Variants in PTPRN2 observed in about 807,000 individuals in gnomAD.
PTPRN2 encodes protein tyrosine phosphatase receptor type N2, also known as receptor-type tyrosine-protein phosphatase N2.
A neutral mutation model predicts 118.8 loss-of-function variants in PTPRN2; 74 were observed. The ratio of observed to expected loss-of-function variants is 0.62; its 90% confidence interval spans 0.52 to 0.76. PTPRN2 has a LOEUF of 0.76. Among genes scored for constraint, PTPRN2 ranks in the 30% least tolerant of loss-of-function variants. The probability of loss-of-function intolerance (pLI) is 0.00; values close to 1 mark genes in which losing one functional copy is unlikely to be tolerated. For synonymous variants in PTPRN2, 641 were observed against 608.0 expected (o/e 1.05, Z -0.80); for missense variants, 1,481 against 1,394.4 (o/e 1.06, Z -0.99).
chr7:158,194,969 C>T (rs1293202636), intron 4 of PTPRN2, among the ~76,000 whole-genome samples: 1 of 152,234 alleles, frequency 6.6e-6, no homozygotes, highest in Non-Finnish European at 1.5e-5. Context: ...ACACTTTCAT[C>T]ATTTTTGTTT....
At chr7:157,993,712 G>A (rs1311792164) in intron 11 of PTPRN2, among the ~76,000 whole-genome samples, 2 of 152,148 alleles carry the variant, frequency 1.3e-5, no homozygotes, top group Admixed American at 6.5e-5. Context: ...AACCCAGCAC[G>A]GGTCCAGGAC....
intron 11 of PTPRN2, among the ~76,000 whole-genome samples, chr7:157,936,613 C>T (rs1336634550): frequency 2.1e-5 from 3 of 143,572 alleles, no homozygotes; most frequent in African/African-American, 7.6e-5. Context: ...CTCCTCCACT[C>T]GGAAGCCAGG....
intron 3 of PTPRN2, among the ~76,000 whole-genome samples, chr7:158,291,428 GT>G (rs1283180825): frequency 6.6e-6 from 1 of 152,092 alleles, no homozygotes; most frequent in Non-Finnish European, 1.5e-5. Flanking sequence ...TTTTGTTTGG[GT>G]TTTTTTAGTC....
At chr7:158,411,540 A>G (rs985469223) in intron 2 of PTPRN2, among the ~76,000 whole-genome samples, 1 of 152,170 alleles carries the variant, frequency 6.6e-6, no homozygotes, top group African/African-American at 2.4e-5. Context: ...TCCCGGGAAC[A>G]GGGGTCCCCT....
intron 1 of PTPRN2, among the ~76,000 whole-genome samples, chr7:158,519,912 C>G (rs568195777): frequency 2.6e-5 from 4 of 152,358 alleles, no homozygotes; most frequent in African/African-American, 4.8e-5. Context: ...CATTTTCCAA[C>G]TTTACTATCA....
chr7:158,319,400 A>ACACACACACACAGCCTCC (rs1802626776), intron 2 of PTPRN2, among the ~76,000 whole-genome samples: 1 of 6,218 alleles, frequency 1.6e-4, no homozygotes, highest in Middle Eastern at 0.1. Flanking sequence ...ACAGCCTCCC[A>ACACACACACACAGCCTCC]CACACACACA....
At chr7:157,553,332 T>A (rs1798724068) in intron 21 of PTPRN2, among the ~76,000 whole-genome samples, 1 of 152,214 alleles carries the variant, frequency 6.6e-6, no homozygotes, top group African/African-American at 2.4e-5. Flanking sequence ...AGACTGTCCC[T>A]CACTGGCAAC....
chr7:157,711,920 A>G (rs151122352), intron 12 of PTPRN2, among the ~76,000 whole-genome samples: 40,240 of 101,214 alleles, frequency 0.4, 8,882 homozygotes, highest in Non-Finnish European at 0.49. Flanking sequence ...CTGGGGGGCC[A>G]TGCAGGCCAC....
At chr7:158,339,829 A>G (rs370494239) in intron 2 of PTPRN2, among the ~76,000 whole-genome samples, 4,520 of 58,186 alleles carry the variant, frequency 0.078, 172 homozygotes, top group South Asian at 0.11. Flanking sequence ...TCACACCCAC[A>G]CTCTCACCAT....
intron 12 of PTPRN2, among the ~76,000 whole-genome samples, chr7:157,805,598 C>T (rs931163575): frequency 1.3e-5 from 2 of 152,128 alleles, no homozygotes; most frequent in African/African-American, 2.4e-5. Context: ...AACGTTGTGT[C>T]GTTATGTCTA....
chr7:158,423,276 G>A (rs1467434153), intron 2 of PTPRN2, among the ~76,000 whole-genome samples: 1 of 152,250 alleles, frequency 6.6e-6, no homozygotes, highest in Non-Finnish European at 1.5e-5. Flanking sequence ...CCAGACCTGA[G>A]CAGCACGGCA....
intron 9 of PTPRN2, among the ~76,000 whole-genome samples, chr7:158,114,702 C>T (rs11761540): frequency 0.28 from 43,061 of 151,996 alleles, 6,947 homozygotes; most frequent in Middle Eastern, 0.44. Flanking sequence ...GAGAAGCCAC[C>T]GGCCACGGCC....
chr7:158,138,054 GAGTGAAA>G (rs1819000040), intron 7 of PTPRN2, among the ~76,000 whole-genome samples: 1 of 152,232 alleles, frequency 6.6e-6, no homozygotes, highest in African/African-American at 2.4e-5. Flanking sequence ...CAGCATGGAG[GAGTGAAA>G]CCTCCTCGCA....
chr7:157,580,902 C>CACACCCCAGCACCTG (rs1800337966), intron 17 of PTPRN2, among the ~76,000 whole-genome samples: 1 of 91,490 alleles, frequency 1.1e-5, no homozygotes, highest in African/African-American at 4.3e-5. Context: ...CCCAGCACCT[C>CACACCCCAGCACCTG]CACACCGTGG....
chr7:157,997,743 C>T (rs952156833), intron 11 of PTPRN2, among the ~76,000 whole-genome samples: 2 of 148,644 alleles, frequency 1.3e-5, no homozygotes, highest in Admixed American at 1.3e-4. Context: ...GTCATAGGGA[C>T]CCTGTGGAGC....
intron 11 of PTPRN2, among the ~76,000 whole-genome samples, chr7:157,958,917 A>G (rs1801353351): frequency 6.6e-6 from 1 of 152,228 alleles, no homozygotes; most frequent in Non-Finnish European, 1.5e-5. Flanking sequence ...TTTATATGGA[A>G]TCTCATGGGA....
chr7:158,218,860 G>C (rs1452171418), intron 3 of PTPRN2, among the ~76,000 whole-genome samples: 1 of 152,118 alleles, frequency 6.6e-6, no homozygotes, highest in Admixed American at 6.6e-5. Flanking sequence ...AATGAAAAAG[G>C]GTTCAATTCA....
rs536761193 is a variant in PTPRN2, at chr7:158,546,653, T to G, written c.112+40905A>C. Among the ~76,000 whole-genome samples the G allele has an allele frequency of 8.5e-4, 129 of 152,274 alleles. No homozygotes were observed. Among genetic ancestry groups the G allele is most frequent in the African/African-American group, 3.0e-3 (124 of 41,556 alleles). ...GACGCCACCTCTCCCGAGTAGCAGG[T>G]GGGTGACTACAGAGGTGCTCTGAGG... On this transcript the variant is annotated intron_variant, in intron 1 of 22. Transcript: ENST00000389418. The surrounding 1 kb of genome is among the most constrained non-coding windows in gnomAD (Gnocchi z 5.0).
chr7:157,787,163 G>T lies in PTPRN2; in HGVS notation c.1789-104226C>A, dbSNP rs548408567. On this transcript the variant is annotated intron_variant, in intron 12 of 22. Transcript: ENST00000389418. The surrounding 1 kb of genome is among the most constrained non-coding windows in gnomAD (Gnocchi z 5.3). Reference sequence around the variant, plus strand: ...CTGCCCGGGAGGCGGACGCGGGTGCGGCGGGGGACGCGGGGGTGGCTGCCC... The same window carrying T: ...CTGCCCGGGAGGCGGACGCGGGTGCTGCGGGGGACGCGGGGGTGGCTGCCC... 5.4e-5 allele frequency among the ~76,000 whole-genome samples: 8 copies of T among 148,712 alleles called. No individual in the cohort carries two copies. The East Asian group carries it at 1.0e-3, about 19-fold the overall frequency.
Sources: gnomAD v4.1 joint callset for allele counts (sites outside exome capture counted in the v4.1 genomes callset) on GRCh38, gnomAD v4.1.1 for gene constraint, Gnocchi (gnomAD v3.1) non-coding constraint, MANE v1.5 for transcripts, NCBI Gene and HGNC (gene_info 2026-07-23, HGNC 2026-07-21) for gene names.